STARD13: variants seen among roughly 807,000 people sequenced by gnomAD.
STARD13 encodes the protein stAR-related lipid transfer protein 13.
STARD13 carries 62 observed loss-of-function variants against 106.4 expected under a neutral mutation model. That is an observed-to-expected ratio of 0.58 (90% CI 0.48 to 0.72). The LOEUF (loss-of-function observed/expected upper bound fraction) is 0.72. Among genes scored for constraint, STARD13 ranks in the 30% least tolerant of loss-of-function variants. The pLI, the probability that STARD13 is intolerant of heterozygous loss-of-function variation, is 0.00. For synonymous variants in STARD13, 565 were observed against 553.0 expected, an observed-to-expected ratio of 1.02 and a Z score of -0.31; for missense variants, 1,387 against 1,424.0, an observed-to-expected ratio of 0.97 and a Z score of 0.42.
chr13:33,642,747 A>G, the STARD13 span, among the ~76,000 whole-genome samples: 2 of 151,418 alleles, frequency 1.3e-5, no homozygotes, highest in African/African-American at 2.4e-5. Flanking sequence ...TGCTCTGTCT[A>G]TCGCCCTGTG....
At chr13:33,230,159 A>G (rs1274090866) in intron 1 of STARD13, among the ~76,000 whole-genome samples, 1 of 152,272 alleles carries the variant, frequency 6.6e-6, no homozygotes, top group Admixed American at 6.5e-5. Flanking sequence ...AGTGAAGACC[A>G]TGGCAAATGG....
At chr13:33,154,607 G>A (rs937102263) in intron 3 of STARD13, among the ~76,000 whole-genome samples, 7 of 151,034 alleles carry the variant, frequency 4.6e-5, no homozygotes, top group Non-Finnish European at 8.8e-5. Context: ...AAAGTGGCCC[G>A]GGGGAAAGAA....
chr13:33,313,362 T>A (rs954892836), intron 1 of STARD13, among the ~76,000 whole-genome samples: 7 of 152,202 alleles, frequency 4.6e-5, no homozygotes, highest in African/African-American at 1.2e-4. Context: ...ATTAAATATT[T>A]CCATTTGTAT....
At chr13:33,431,237 A>C in the STARD13 span, among the ~76,000 whole-genome samples, 1 of 152,154 alleles carries the variant, frequency 6.6e-6, no homozygotes, top group East Asian at 1.9e-4. Context: ...TTAATAAAAA[A>C]ATGTGGCAAG....
the STARD13 span, among the ~76,000 whole-genome samples, chr13:33,589,708 T>C: frequency 6.6e-6 from 1 of 152,220 alleles, no homozygotes; most frequent in Non-Finnish European, 1.5e-5. Flanking sequence ...TGAGGAGTGC[T>C]TTATTTTCAA....
the STARD13 span, among the ~76,000 whole-genome samples, chr13:33,396,402 C>T: frequency 6.6e-6 from 1 of 151,482 alleles, no homozygotes; most frequent in African/African-American, 2.5e-5. Context: ...GTTGTATTTT[C>T]AAAGAAGGAC....
downstream of STARD13, among the ~76,000 whole-genome samples, chr13:33,344,168 C>T (rs1004041085): frequency 6.6e-6 from 1 of 151,592 alleles, no homozygotes; most frequent in African/African-American, 2.4e-5. Context: ...GAATCAGAAT[C>T]TCCGGGAGGA....
chr13:33,476,552 A>T, the STARD13 span, among the ~76,000 whole-genome samples: 1 of 152,200 alleles, frequency 6.6e-6, no homozygotes, highest in Non-Finnish European at 1.5e-5. Flanking sequence ...TACCATTACC[A>T]TTTTTGTAAT....
chr13:33,172,917 T>C (rs942391457), intron 1 of STARD13, among the ~76,000 whole-genome samples: 2 of 152,192 alleles, frequency 1.3e-5, no homozygotes, highest in Non-Finnish European at 2.9e-5. Context: ...CCAATTTAAA[T>C]AGGTCTTCTT....
At chr13:33,386,631 C>G in the STARD13 span, among the ~76,000 whole-genome samples, 1 of 152,112 alleles carries the variant, frequency 6.6e-6, no homozygotes, top group African/African-American at 2.4e-5. Flanking sequence ...GGGTTTCCTC[C>G]TAGTGTCTCT....
Position 33,285,663 on chromosome 13 carries a change from T to G in STARD13, c.-25A>C, listed in dbSNP as rs201399889. On this transcript the variant is annotated 5_prime_UTR_variant, in exon 1 of 14. Coordinates refer to ENST00000336934, the MANE Select transcript of STARD13 (RefSeq NM_178006.4). ...TCTCGGCAGATTTCCTATTGCCACC[T>G]CAGTCTGCCTGTGGCTGTTGCCGTC... 1 of 1,609,932 alleles carries G rather than the reference T, an allele frequency of 6.2e-7. No homozygotes were observed. The highest frequency in any genetic ancestry group is 1.3e-5 in the African/African-American group (1 of 74,926).
chr13:33,549,831 C>T, the STARD13 span, among the ~76,000 whole-genome samples: 2 of 152,102 alleles, frequency 1.3e-5, no homozygotes, highest in Non-Finnish European at 2.9e-5. Context: ...AAAGTCACCA[C>T]TTTGTTCATC....
At chr13:33,425,053 T>TA in the STARD13 span, among the ~76,000 whole-genome samples, 1 of 152,222 alleles carries the variant, frequency 6.6e-6, no homozygotes, top group East Asian at 1.9e-4. Context: ...TAAGAATAGA[T>TA]ACTTGAAGAC....
chr13:33,527,869 C>T, the STARD13 span, among the ~76,000 whole-genome samples: 1 of 151,482 alleles, frequency 6.6e-6, no homozygotes, highest in Non-Finnish European at 1.5e-5. Flanking sequence ...GAGGAAGGCA[C>T]ATTTATAAAG....
At chr13:33,503,278 CTTT>C in the STARD13 span, among the ~76,000 whole-genome samples, 5 of 152,036 alleles carry the variant, frequency 3.3e-5, no homozygotes, top group African/African-American at 1.2e-4. Context: ...CTCTTTTCTT[CTTT>C]ATTAGTCTTG....
In STARD13 at chr13:33,327,483, C is replaced by T. The variant is rs575091809; in HGVS notation, c.124+22807G>A. Among the ~76,000 whole-genome samples the T allele has an allele frequency of 4.0e-3, 614 of 152,288 alleles. 2 individuals are homozygous for T. The highest frequency in any genetic ancestry group is 7.3e-3 in the Non-Finnish European group (498 of 68,028). On this transcript the variant is annotated intron_variant, in intron 1 of 5. Coordinates refer to the STARD13 transcript ENST00000567873. ...CTCCTGGGGTCAAGCGATCCTTCTG[C>T]CTCAGCTTCCCAAGTAGCTGGGACT... is the stretch of plus-strand genomic sequence containing the variant.
chr13:33,606,225 C>G, the STARD13 span, among the ~76,000 whole-genome samples: 1 of 152,116 alleles, frequency 6.6e-6, no homozygotes, highest in Non-Finnish European at 1.5e-5. Context: ...TGCTTGGACT[C>G]CGGAGGTGGA....
intron 1 of STARD13, among the ~76,000 whole-genome samples, chr13:33,301,192 A>G (rs1892695631): frequency 6.6e-6 from 1 of 152,256 alleles, no homozygotes; most frequent in African/African-American, 2.4e-5. Flanking sequence ...GTACATAGGA[A>G]TGGACAATAA....
At chr13:33,493,352 T>G in the STARD13 span, among the ~76,000 whole-genome samples, 1 of 152,166 alleles carries the variant, frequency 6.6e-6, no homozygotes, top group African/African-American at 2.4e-5. Context: ...AACACAGAAG[T>G]GATCTCACGT....
Sources: allele counts gnomAD v4.1 joint callset (sites outside exome capture counted in the v4.1 genomes callset), GRCh38; gene constraint gnomAD v4.1.1; transcripts MANE v1.5; gene names NCBI Gene and HGNC (gene_info 2026-07-23, HGNC 2026-07-21).